Variants in PACS2 observed in about 807,000 individuals in gnomAD.
PACS2 encodes phosphofurin acidic cluster sorting protein 2.
In PACS2, 36 loss-of-function variants were observed where a neutral mutation model predicts 113.0. The ratio of observed to expected loss-of-function variants is 0.32; its 90% CI spans 0.24 to 0.42. The LOEUF is 0.42. PACS2 is among the 10% of genes least tolerant of loss of function. The probability of loss-of-function intolerance (pLI) is 1.00; values close to 1 mark genes in which losing one functional copy is unlikely to be tolerated. For synonymous variants in PACS2, 589 were observed against 536.1 expected, an observed-to-expected ratio of 1.10 and a Z score of -1.36; for missense variants, 1,015 against 1,239.5, an observed-to-expected ratio of 0.82 and a Z score of 2.72.
chr14:105,386,473 A>G (rs1440569282), intron 19 of PACS2, among the ~76,000 whole-genome samples: 3 of 151,974 alleles, frequency 2.0e-5, no homozygotes, highest in African/African-American at 4.8e-5. Flanking sequence ...CACCCCCTAC[A>G]ACCTTTCATG....
chr14:105,334,526 T>C (rs10147832), intron 1 of PACS2, among the ~76,000 whole-genome samples: 7,138 of 151,698 alleles, frequency 0.047, 593 homozygotes, highest in African/African-American at 0.17. Context: ...AATATGTGCG[T>C]AGAGCTCCAC....
chr14:105,393,256 C>G lies in PACS2; in HGVS notation c.2517C>G (p.Asp839Glu). 2 of 1,612,854 alleles carry G rather than the reference C, an allele frequency of 1.2e-6. No homozygotes were observed. Among genetic ancestry groups the G allele is most frequent in the Non-Finnish European group, 1.7e-6 (2 of 1,179,870 alleles). The change falls in exon 24 of 25, where the codon GAC becomes GAG. Residue 839 changes from aspartate to glutamate, a missense_variant. Physicochemically the swap from Asp to Glu is conservative, Grantham distance 45. Around this residue, in one of 3 missense-constraint regions of PACS2, gnomAD observed 859 missense variants for 1,056.8 expected, o/e 0.81. Transcript: ENST00000447393. ...MFLPKKAKDK[D>E]VESKSQCIEG... ...TGCCCAAGAAAGCGAAGGACAAGGA[C>G]GTGGAGTCTAAGAGCCAGTGCATTG...
chr14:105,337,629 A>C (rs2059576170), intron 1 of PACS2, among the ~76,000 whole-genome samples: 1 of 152,084 alleles, frequency 6.6e-6, no homozygotes, highest in Admixed American at 6.5e-5. Flanking sequence ...TTAGGTGGCA[A>C]CCCTGCGAGG....
chr14:105,352,873 C>T lies in PACS2; in HGVS notation c.297+406C>T, dbSNP rs1306676563. On this transcript the variant is annotated intron_variant, in intron 3 of 24. Coordinates refer to ENST00000447393, the MANE Select transcript of PACS2 (RefSeq NM_001100913.3). ...TCAGTGTCCCCTGGGGAGACGGGCACGCCTCATCACTGTCCCCTGGGGTGA... is the reference window on the plus strand; with the variant it reads ...TCAGTGTCCCCTGGGGAGACGGGCATGCCTCATCACTGTCCCCTGGGGTGA... 3.3e-5 allele frequency among the ~76,000 whole-genome samples: 4 copies of T among 121,576 alleles called. No homozygotes were observed. The East Asian group carries it at 8.1e-4, about 24-fold the overall frequency. The allele number at this position is 121,576 out of a possible 152,430, so 79.8% of individuals were successfully genotyped here. A position where few individuals can be genotyped will look rare whatever the true frequency, so the allele number is the denominator to read the frequency against.
intron 1 of PACS2, among the ~76,000 whole-genome samples, chr14:105,307,037 AT>A (rs1033662498): frequency 4.0e-5 from 6 of 149,898 alleles, no homozygotes; most frequent in African/African-American, 1.2e-4. Context: ...TATTTACTTT[AT>A]TTTTTCTTTT....
intron 1 of PACS2, among the ~76,000 whole-genome samples, chr14:105,318,631 T>TTTTA (rs767473931): frequency 6.2e-4 from 94 of 150,578 alleles, no homozygotes; most frequent in African/African-American, 2.2e-3. Flanking sequence ...TGTATTTTTA[T>TTTTA]TTTATTTATT....
rs782754114 is a variant in PACS2 at position 105,384,905 on chromosome 14, C to T, written c.1918C>T (p.Arg640Cys). Residue 640 changes from arginine (R) to cysteine (C), a missense_variant, in exon 18 of 25, where the codon CGC becomes TGC. By Grantham distance (180) the Arg-to-Cys change is radical. This residue lies in a region of PACS2 where 859 missense variants were observed against 1,056.8 expected (regional missense o/e 0.81). Coordinates refer to ENST00000447393, the MANE Select transcript of PACS2 (RefSeq NM_001100913.3). Reference sequence around the variant, plus strand: ...ACAGGACACGCCAGACATTGTGTCACGCATCACGCAGTACATCGCAGGGGC... The same window carrying T: ...ACAGGACACGCCAGACATTGTGTCATGCATCACGCAGTACATCGCAGGGGC... ...AVQDTPDIVSRITQYIAGANC... is the reference protein window; with the variant it reads ...AVQDTPDIVSCITQYIAGANC... 6.9e-6 allele frequency: 11 copies of T among 1,596,192 alleles called. No homozygotes were observed. The highest frequency in any genetic ancestry group is 9.4e-6 in the Non-Finnish European group (11 of 1,171,128).
rs782409901 is a variant in PACS2, at chr14:105,368,159, C to T, written c.660+12C>T. The T allele has an allele frequency of 1.9e-6, 3 of 1,587,752 alleles. No homozygotes were observed. The highest frequency in any genetic ancestry group is 2.6e-6 in the Non-Finnish European group (3 of 1,161,644). On this transcript the variant is annotated intron_variant, in intron 6 of 24. Coordinates refer to ENST00000447393, the MANE Select transcript of PACS2 (RefSeq NM_001100913.3). ...CCGTGCAGGGGCAGGTGACCTGGGG[C>T]CGGGGCTCCGCGCCCTCTCCTGGCT...
chr14:105,357,547 A>G lies in PACS2; in HGVS notation c.423+2370A>G, dbSNP rs587722999. Among the ~76,000 whole-genome samples the G allele has an allele frequency of 1.3e-5, 2 of 151,976 alleles. No individual in the cohort carries two copies. The highest frequency in any genetic ancestry group is 2.9e-5 in the Non-Finnish European group (2 of 67,994). ...TCCCAGAACCTAGTTGGGTCCTCCC[A>G]TGTGTCCCCGAGCACCAGGGCGGTT... On this transcript the variant is annotated intron_variant, in intron 4 of 24. Transcript: ENST00000447393. The surrounding 1 kb of genome is among the most constrained non-coding windows in gnomAD (Gnocchi z 5.1).
At position 105,352,454 on chromosome 14, in the gene PACS2, CCTT is replaced by C. The variant is rs1425778118; in HGVS notation, c.287_289del (p.Phe96del). 5.0e-6 allele frequency: 8 copies of C among 1,605,772 alleles called. No homozygotes were observed. The highest frequency in any genetic ancestry group is 6.8e-6 in the Non-Finnish European group (8 of 1,172,694). ...CAAGTGGAGACAGACCTGGCCCTGA[CCTT>C]CTCCTTGCAGGTGAGTCTTTCACCA... On this transcript the variant is annotated inframe_deletion, in exon 3 of 25. Transcript: ENST00000447393.
At position 105,329,650 on chromosome 14, in the gene PACS2, G is replaced by T. The variant is rs1276134713; in HGVS notation, c.119+14613G>T. ...GGGCGGGGCTTCTCACGATGGCTCA[G>T]GGAGGTCCAGACAGCCCCCTTGTCT... On this transcript the variant is annotated intron_variant, in intron 1 of 24. Coordinates refer to ENST00000447393, the MANE Select transcript of PACS2 (RefSeq NM_001100913.3). The surrounding 1 kb of genome is among the most constrained non-coding windows in gnomAD (Gnocchi z 6.4). 2.6e-5 allele frequency among the ~76,000 whole-genome samples: 4 copies of T among 152,176 alleles called. No individual in the cohort carries two copies. Among genetic ancestry groups the T allele is most frequent in the African/African-American group, 9.7e-5 (4 of 41,442 alleles).
chr14:105,390,520 T>C (rs587668850), intron 20 of PACS2: 9 of 178,990 alleles, frequency 5.0e-5, no homozygotes, highest in Non-Finnish European at 9.6e-5. Context: ...TTCGCTCTGT[T>C]GTGTGGCCTC....
intron 8 of PACS2, among the ~76,000 whole-genome samples, chr14:105,374,168 A>G (rs1331493377): frequency 6.6e-6 from 1 of 152,052 alleles, no homozygotes; most frequent in Non-Finnish European, 1.5e-5. Context: ...AAAAAAAAAA[A>G]AAACTTGAAA....
At chr14:105,302,492 C>T (rs776354170) in intron 1 of PACS2, among the ~76,000 whole-genome samples, 5 of 148,204 alleles carry the variant, frequency 3.4e-5, no homozygotes, top group East Asian at 2.1e-4. Context: ...CATGAGCCAC[C>T]GTGCATGGCC....
In PACS2 at chr14:105,383,551, T is replaced by C. The variant is rs376824726; in HGVS notation, c.1780+38T>C. 13 of 1,546,428 alleles carry C rather than the reference T, an allele frequency of 8.4e-6. No homozygotes were observed. In the African/African-American group the frequency reaches 1.8e-4, roughly 21 times the overall value. ...CCGTCCACCTGGGCCTGGGCACAGA[T>C]GCCACGGGCAGTGTGGCGTGGCATG... On this transcript the variant is annotated intron_variant, in intron 16 of 24. Coordinates refer to ENST00000447393, the MANE Select transcript of PACS2 (RefSeq NM_001100913.3).
upstream of PACS2, among the ~76,000 whole-genome samples, chr14:105,312,009 G>A (rs934022234): frequency 5.9e-5 from 9 of 152,226 alleles, no homozygotes; most frequent in African/African-American, 1.9e-4. Flanking sequence ...GAGTAGGGGC[G>A]CTGTGGGCTG....
In PACS2 at chr14:105,391,662, T is replaced by C. The variant is rs782449724; in HGVS notation, c.2151T>C (p.Ser717=). Reference sequence around the variant, plus strand: ...CGGACGACGCGGCCCCCTCGGGCTCTGGCACGCTCTCCTCCACCCCGCCGT... The same window carrying C: ...CGGACGACGCGGCCCCCTCGGGCTCCGGCACGCTCTCCTCCACCCCGCCGT... The part of the protein sequence containing the change: ...GDSDDAAPSG[S]GTLSSTPPSA... Residue 717 remains serine (S), a synonymous_variant, in exon 22 of 25, where the codon TCT becomes TCC. Coordinates refer to ENST00000447393, the MANE Select transcript of PACS2 (RefSeq NM_001100913.3). 1 of 1,610,640 alleles carries C rather than the reference T, an allele frequency of 6.2e-7. No individual in the cohort carries two copies. The highest frequency in any genetic ancestry group is 1.1e-5 in the South Asian group (1 of 90,742).
rs1311783744 is a variant in PACS2 at position 105,357,379 on chromosome 14, G to A, written c.423+2202G>A. The stretch of plus-strand genomic sequence containing the variant: ...GATGTAGTTCCAGTGCCCTGCCCCT[G>A]AGCCTGTGGCCCCCACCCCAAGGCT... On this transcript the variant is annotated intron_variant, in intron 4 of 24. Transcript: ENST00000447393. This position sits in a 1 kb window ranked among gnomAD's most constrained non-coding sequence, Gnocchi z 5.1. 6.6e-6 allele frequency among the ~76,000 whole-genome samples: 1 copy of A among 152,058 alleles called. No individual in the cohort carries two copies. The highest frequency in any genetic ancestry group is 1.5e-5 in the Non-Finnish European group (1 of 68,000).
At chr14:105,388,320 G>A (rs898967362) in intron 19 of PACS2, among the ~76,000 whole-genome samples, 6 of 152,366 alleles carry the variant, frequency 3.9e-5, no homozygotes, top group Admixed American at 1.3e-4. Context: ...GGGACCAGCC[G>A]CAGAGGCTGC....
Sources: gnomAD v4.1 joint callset for allele counts (sites outside exome capture counted in the v4.1 genomes callset) on GRCh38, gnomAD v4.1.1 for gene constraint, gnomAD v4.1.1 regional missense constraint, Gnocchi (gnomAD v3.1) non-coding constraint, MANE v1.5 for transcripts, NCBI Gene and HGNC (gene_info 2026-07-23, HGNC 2026-07-21) for gene names.